Variants in SNCAIP observed in about 807,000 individuals in gnomAD.
SNCAIP encodes synphilin-1.
SNCAIP carries 43 observed loss-of-function variants against 86.7 expected under a neutral mutation model. The ratio of observed to expected loss-of-function variants is 0.50; its 90% CI spans 0.39 to 0.64. SNCAIP has a LOEUF of 0.64. Among genes scored for constraint, SNCAIP ranks in the 30% least tolerant of loss-of-function variants. The pLI is 0.00. For synonymous variants in SNCAIP, 417 were observed against 427.2 expected (o/e 0.98, Z 0.29); for missense variants, 981 against 1,103.1 (o/e 0.89, Z 1.57).
At chr5:122,341,766 T>C (rs1757645009) in intron 1 of SNCAIP, among the ~76,000 whole-genome samples, 1 of 152,104 alleles carries the variant, frequency 6.6e-6, no homozygotes, top group Non-Finnish European at 1.5e-5. Flanking sequence ...GCTCCAACCA[T>C]GTAAAATCCA....
intron 1 of SNCAIP, among the ~76,000 whole-genome samples, chr5:122,331,181 C>G (rs1257084842): frequency 6.6e-6 from 1 of 152,072 alleles, no homozygotes; most frequent in Admixed American, 6.5e-5. Flanking sequence ...TAACAGGACT[C>G]GAACTGATAT....
intron 5 of SNCAIP, among the ~76,000 whole-genome samples, chr5:122,427,644 G>T (rs1308689220): frequency 6.6e-6 from 1 of 152,110 alleles, no homozygotes; most frequent in African/African-American, 2.4e-5. Context: ...GAGTCCTAAA[G>T]AGTCACCATT....
At chr5:122,437,046 G>A (rs1285284357) in intron 6 of SNCAIP, 2 of 152,190 alleles carry the variant, frequency 1.3e-5, no homozygotes, top group Non-Finnish European at 2.9e-5. Flanking sequence ...CTTCATCCAT[G>A]TGACTTCATT....
At position 122,425,475 on chromosome 5, in the gene SNCAIP, G is replaced by A; in HGVS notation, c.1126G>A (p.Asp376Asn). ...LQHLTSLMGE[D>N]CLNERNTEKL... ...GCACCTCACTTCTTTGATGGGAGAA[G>A]ACTGCCTCAATGAGCGCAACACTGA... Residue 376 changes from aspartate (D) to asparagine (N), a missense_variant, in exon 5 of 11, where the codon GAC becomes AAC. Asp to Asn is a conservative substitution (Grantham distance 23). Transcript: ENST00000261368. 18 of 1,614,156 alleles carry A rather than the reference G, an allele frequency of 1.1e-5. No homozygotes were observed. Among genetic ancestry groups the A allele is most frequent in the Non-Finnish European group, 1.5e-5 (18 of 1,180,016 alleles).
chr5:122,326,433 T>C (rs1754049156), intron 1 of SNCAIP, among the ~76,000 whole-genome samples: 1 of 152,072 alleles, frequency 6.6e-6, no homozygotes, highest in African/African-American at 2.4e-5. Context: ...CCTAAAGAAG[T>C]AGTGGTCATC....
rs952875545 is a variant in SNCAIP, at chr5:122,463,839, A to T, written c.*343A>T. 9 of 278,824 alleles carry T rather than the reference A, an allele frequency of 3.2e-5. No individual in the cohort carries two copies. The highest frequency in any genetic ancestry group is 6.1e-5 in the Non-Finnish European group (9 of 148,744). 17.3% of individuals were successfully genotyped at this position (278,824 alleles called of 1,614,324 possible). ...TTTTAAGAGTAGATTGATTCACCCTACCCACAGGACATTCACCAAGCCACT... is the reference window on the plus strand; with the variant it reads ...TTTTAAGAGTAGATTGATTCACCCTTCCCACAGGACATTCACCAAGCCACT... On this transcript the variant is annotated 3_prime_UTR_variant, in exon 11 of 11. Coordinates refer to ENST00000261368, the MANE Select transcript of SNCAIP (RefSeq NM_005460.4).
chr5:122,407,648 G>A (rs1773279087), intron 3 of SNCAIP, among the ~76,000 whole-genome samples: 1 of 152,118 alleles, frequency 6.6e-6, no homozygotes, highest in South Asian at 2.1e-4. Flanking sequence ...GCTGACAACT[G>A]ATGAATGTGG....
Position 122,345,016 on chromosome 5 carries a change from A to G in SNCAIP, c.-47+32732A>G, listed in dbSNP as rs140131017. Among the ~76,000 whole-genome samples the G allele has an allele frequency of 5.4e-3, 819 of 152,322 alleles. 9 individuals are homozygous for G. Among genetic ancestry groups the G allele is most frequent in the African/African-American group, 0.017 (710 of 41,570 alleles). On this transcript the variant is annotated intron_variant, in intron 1 of 10. Coordinates refer to ENST00000261368, the MANE Select transcript of SNCAIP (RefSeq NM_005460.4). Reference sequence around the variant, plus strand: ...AGCAAATAATAAAGATACACATTCTACCAAATGTGTTCTGGTCTTGAAAAA... The same window carrying G: ...AGCAAATAATAAAGATACACATTCTGCCAAATGTGTTCTGGTCTTGAAAAA...
chr5:122,342,071 G>T (rs76804912), intron 1 of SNCAIP, among the ~76,000 whole-genome samples: 2 of 151,990 alleles, frequency 1.3e-5, no homozygotes, highest in Non-Finnish European at 2.9e-5. Flanking sequence ...GGATTTTTTC[G>T]ATTTTAGCTG....
intron 3 of SNCAIP, among the ~76,000 whole-genome samples, chr5:122,414,561 A>C (rs1433601368): frequency 6.6e-6 from 1 of 152,202 alleles, no homozygotes; most frequent in Non-Finnish European, 1.5e-5. Flanking sequence ...GCTCCCACAC[A>C]GAAGGTTCCT....
rs186714157 is a variant in SNCAIP at position 122,319,725 on chromosome 5, T to C, written c.-47+7441T>C. ...TTTAAAAGCTGATGCAGAAGGAAGA[T>C]ATTAGCCATTGTTGAATGTTTACTG... On this transcript the variant is annotated intron_variant, in intron 1 of 10. Coordinates refer to ENST00000261368, the MANE Select transcript of SNCAIP (RefSeq NM_005460.4). Among the ~76,000 whole-genome samples the C allele has an allele frequency of 6.8e-4, 103 of 152,342 alleles. 1 individual carries two copies. The highest frequency in any genetic ancestry group is 3.4e-3 in the Middle Eastern group (1 of 292).
intron 1 of SNCAIP, among the ~76,000 whole-genome samples, chr5:122,377,618 C>T (rs1016714543): frequency 2.0e-5 from 3 of 151,696 alleles, no homozygotes; most frequent in Non-Finnish European, 4.4e-5. Flanking sequence ...ATACATGTGC[C>T]ATGCTGGTGC....
At chr5:122,354,126 A>C (rs1280254045) in intron 1 of SNCAIP, among the ~76,000 whole-genome samples, 2 of 152,192 alleles carry the variant, frequency 1.3e-5, no homozygotes, top group East Asian at 3.8e-4. Context: ...TTAGAATTCA[A>C]GTCTTCCAGC....
At chr5:122,418,252 T>C (rs1162071963) in intron 3 of SNCAIP, among the ~76,000 whole-genome samples, 1 of 152,232 alleles carries the variant, frequency 6.6e-6, no homozygotes, top group Non-Finnish European at 1.5e-5. Flanking sequence ...CTACATACCA[T>C]GCTAAAGAAT....
At chr5:122,327,641 C>T (rs1395333476) in intron 1 of SNCAIP, among the ~76,000 whole-genome samples, 1 of 152,186 alleles carries the variant, frequency 6.6e-6, no homozygotes, top group East Asian at 1.9e-4. Flanking sequence ...TTGCCTTCCA[C>T]CATGATTATA....
intron 1 of SNCAIP, among the ~76,000 whole-genome samples, chr5:122,320,881 C>G (rs541455213): frequency 6.6e-6 from 1 of 152,182 alleles, no homozygotes; most frequent in East Asian, 1.9e-4. Flanking sequence ...TCTGGTCTCT[C>G]TTGCTGCAAA....
Position 122,463,504 on chromosome 5 carries a change from A to G in SNCAIP, c.*8A>G. 6.2e-7 allele frequency: 1 copy of G among 1,602,648 alleles called. No individual in the cohort carries two copies. The highest frequency in any genetic ancestry group is 1.1e-5 in the South Asian group (1 of 90,840). On this transcript the variant is annotated 3_prime_UTR_variant, in exon 11 of 11. Transcript: ENST00000261368. ...TCTTCTGCTTAGGCATAATGACATCAATAGAAAAATGAAGAAATCCTACAG... is the reference window on the plus strand; with the variant it reads ...TCTTCTGCTTAGGCATAATGACATCGATAGAAAAATGAAGAAATCCTACAG...
chr5:122,337,224 T>C (rs1756668854), intron 1 of SNCAIP, among the ~76,000 whole-genome samples: 1 of 152,192 alleles, frequency 6.6e-6, no homozygotes, highest in Non-Finnish European at 1.5e-5. Flanking sequence ...TGATCCTACG[T>C]AATAATCATT....
chr5:122,439,354 TC>T (rs553014189), intron 6 of SNCAIP, among the ~76,000 whole-genome samples: 427 of 152,304 alleles, frequency 2.8e-3, no homozygotes, highest in Non-Finnish European at 5.1e-3. Context: ...CACCCTGCTT[TC>T]TGGGATGCCT....
Sources: allele counts gnomAD v4.1 joint callset (sites outside exome capture counted in the v4.1 genomes callset), GRCh38; gene constraint gnomAD v4.1.1; transcripts MANE v1.5; gene names NCBI Gene and HGNC (gene_info 2026-07-23, HGNC 2026-07-21).